Variants in SLC67A1 observed in about 807,000 individuals in gnomAD.
SLC67A1 encodes solute carrier family 67 member A1.
the SLC67A1 span, among the ~76,000 whole-genome samples, chr11:2,911,893 A>G: frequency 3.9e-5 from 6 of 152,090 alleles, no homozygotes; most frequent in Non-Finnish European, 8.8e-5. Context: ...AGCTGCCAAG[A>G]CGGCCTCTAC....
the SLC67A1 span, chr11:2,925,006 C>T: frequency 1.0e-5 from 16 of 1,606,692 alleles, no homozygotes; most frequent in African/African-American, 2.7e-5. The surrounding 1 kb of genome is among the most constrained non-coding windows in gnomAD (Gnocchi z 6.5). Context: ...CATGCACCCC[C>T]CAGGGACCAT....
chr11:2,901,312 C>A, the SLC67A1 span, among the ~76,000 whole-genome samples: 1 of 152,144 alleles, frequency 6.6e-6, no homozygotes, highest in Non-Finnish European at 1.5e-5. Flanking sequence ...TGGCTCTGGC[C>A]CCCCTGCCCA....
At chr11:2,916,873 C>T in the SLC67A1 span, 3 of 729,406 alleles carry the variant, frequency 4.1e-6, no homozygotes, top group South Asian at 1.7e-5. Flanking sequence ...TCCTGCCTTC[C>T]TTGAACCCTT....
At chr11:2,906,985 G>A in the SLC67A1 span, among the ~76,000 whole-genome samples, 1 of 151,968 alleles carries the variant, frequency 6.6e-6, no homozygotes. Context: ...TGGGGTGATT[G>A]TCAGGTCAAG....
At chr11:2,922,689 GGAGT>G in the SLC67A1 span, 1 of 539,762 alleles carries the variant, frequency 1.9e-6, no homozygotes, top group African/African-American at 1.9e-5. Flanking sequence ...TGGGTTGAGT[GGAGT>G]GGGTGGGGTG....
the SLC67A1 span, among the ~76,000 whole-genome samples, chr11:2,912,159 C>A: frequency 2.6e-5 from 4 of 152,252 alleles, no homozygotes; most frequent in Non-Finnish European, 5.9e-5. Context: ...TGCTTGGGCA[C>A]TGTGGCAAAA....
chr11:2,922,885 C>T, the SLC67A1 span, among the ~76,000 whole-genome samples: 5 of 152,172 alleles, frequency 3.3e-5, no homozygotes, highest in African/African-American at 7.2e-5. Context: ...CTGGAGGCCC[C>T]GGGGACTTCT....
chr11:2,917,222 G>T, the SLC67A1 span, among the ~76,000 whole-genome samples: 2 of 152,218 alleles, frequency 1.3e-5, no homozygotes, highest in African/African-American at 2.4e-5. Context: ...CTCAGAGGGG[G>T]TCCCCTCAAG....
the SLC67A1 span, chr11:2,921,945 C>T: frequency 4.4e-6 from 3 of 674,906 alleles, no homozygotes; most frequent in Non-Finnish European, 8.1e-6. Context: ...TAGGGAGAGA[C>T]CCCGGGGCTT....
the SLC67A1 span, chr11:2,914,970 G>A: frequency 0.43 from 419,623 of 985,206 alleles, 89,927 homozygotes; most frequent in East Asian, 0.57. Context: ...TTTTCCCAAA[G>A]GAAGGGCCCA....
chr11:2,905,731 G>A, the SLC67A1 span, among the ~76,000 whole-genome samples: 3 of 152,236 alleles, frequency 2.0e-5, no homozygotes, highest in African/African-American at 7.2e-5. Flanking sequence ...GCTGCAAGGT[G>A]AGGCAGCTGC....
At chr11:2,919,238 G>A in the SLC67A1 span, 1 of 1,123,888 alleles carries the variant, frequency 8.9e-7, no homozygotes, top group Non-Finnish European at 1.4e-6. Context: ...GGCTGCTGAG[G>A]CGGGAGGGAG....
chr11:2,919,559 G>T, the SLC67A1 span: 1 of 621,334 alleles, frequency 1.6e-6, no homozygotes. Flanking sequence ...CAGGCATACA[G>T]GCCAGGGAGG....
the SLC67A1 span, among the ~76,000 whole-genome samples, chr11:2,912,056 G>A: frequency 6.6e-6 from 1 of 152,192 alleles, no homozygotes; most frequent in Non-Finnish European, 1.5e-5. Flanking sequence ...AGATGATGAG[G>A]CTCCCTCCAT....
At chr11:2,922,450 C>G in the SLC67A1 span, 18 of 1,611,456 alleles carry the variant, frequency 1.1e-5, no homozygotes, top group South Asian at 1.8e-4. Context: ...GGATGTCCAG[C>G]GTCTTCCACT....
chr11:2,910,865 C>A, the SLC67A1 span, among the ~76,000 whole-genome samples: 1 of 152,218 alleles, frequency 6.6e-6, no homozygotes, highest in African/African-American at 2.4e-5. Context: ...TCAGGCCCAG[C>A]CTGGGTGCCT....
chr11:2,909,139 G>A, the SLC67A1 span: 16 of 1,427,778 alleles, frequency 1.1e-5, no homozygotes, highest in Admixed American at 2.6e-5. Context: ...CCCCTGGACG[G>A]GGGGAAGGGG....
chr11:2,922,400 GC>G, the SLC67A1 span: 6 of 1,601,824 alleles, frequency 3.7e-6, no homozygotes, highest in Non-Finnish European at 5.1e-6. Context: ...GTCCCGTGAG[GC>G]CCCCACTCAG....
At chr11:2,908,420 C>A in the SLC67A1 span, 2 of 957,920 alleles carry the variant, frequency 2.1e-6, no homozygotes, top group Non-Finnish European at 3.1e-6. Context: ...GGTTCCCTGA[C>A]CCCACACCGG....
Sources: allele counts gnomAD v4.1 joint callset (sites outside exome capture counted in the v4.1 genomes callset), GRCh38; gene constraint gnomAD v4.1.1; non-coding constraint Gnocchi (gnomAD v3.1); transcripts MANE v1.5; gene names NCBI Gene and HGNC (gene_info 2026-07-23, HGNC 2026-07-21).